The following C1orf21 variants were observed in gnomAD, a reference collection of about 807,000 sequenced individuals.
The protein encoded by C1orf21 is uncharacterized protein C1orf21.
Under a neutral mutation model 18.7 loss-of-function variants are expected in C1orf21, and 3 were observed. The observed-to-expected ratio is 0.16, with a 90% CI of 0.07 to 0.42. The LOEUF (loss-of-function observed/expected upper bound fraction) is 0.42, where lower values mean the gene tolerates loss of function less well. Ranked by LOEUF, C1orf21 falls within the 10% of genes least tolerant of loss-of-function variation. The pLI is 0.99. For missense variants in C1orf21, 104 were observed against 143.6 expected, an observed-to-expected ratio of 0.72 and a Z score of 1.41; for synonymous variants, 41 against 46.4, an observed-to-expected ratio of 0.88 and a Z score of 0.47.
At chr1:184,394,934 C>A (rs565445709) in intron 1 of C1orf21, among the ~76,000 whole-genome samples, 2 of 151,932 alleles carry the variant, frequency 1.3e-5, no homozygotes, top group Admixed American at 6.6e-5. Flanking sequence ...AGTCTAGATG[C>A]GACTCCCAAA....
Position 184,565,674 on chromosome 1 carries a change from G to A in C1orf21, c.190-25065G>A, listed in dbSNP as rs113552877. ...AAGCCAAGTACCATATTTCTCTCAC[G>A]AAGTCAGTTTCCTCTGAATTCTCAA... On this transcript the variant is annotated intron_variant, in intron 3 of 5. Coordinates refer to ENST00000235307, the MANE Select transcript of C1orf21 (RefSeq NM_030806.4). Among the ~76,000 whole-genome samples the A allele has an allele frequency of 7.3e-3, 1,110 of 152,320 alleles. 18 individuals carry two copies. Among genetic ancestry groups the A allele is most frequent in the African/African-American group, 0.023 (944 of 41,574 alleles).
intron 3 of C1orf21, among the ~76,000 whole-genome samples, chr1:184,571,312 A>G (rs991300266): frequency 1.3e-4 from 20 of 151,090 alleles, no homozygotes; most frequent in South Asian, 4.2e-4. Context: ...AAAAAAAAAA[A>G]AAAAAAGAAA....
At chr1:184,504,873 C>A (rs1274414604) in intron 2 of C1orf21, among the ~76,000 whole-genome samples, 1 of 152,162 alleles carries the variant, frequency 6.6e-6, no homozygotes, top group Non-Finnish European at 1.5e-5. Context: ...TTGTTAATGA[C>A]ATGTTAAAGC....
intron 1 of C1orf21, among the ~76,000 whole-genome samples, chr1:184,391,858 C>T (rs1655975481): frequency 6.6e-6 from 1 of 152,086 alleles, no homozygotes; most frequent in African/African-American, 2.4e-5. Flanking sequence ...CAGGCAGGTG[C>T]CACCATGGCT....
rs184886966 is a variant in C1orf21 at position 184,535,850 on chromosome 1, T to C, written c.189+28168T>C. Among the ~76,000 whole-genome samples the C allele has an allele frequency of 3.7e-3, 570 of 152,330 alleles. 6 individuals are homozygous for C. Among genetic ancestry groups the C allele is most frequent in the African/African-American group, 0.013 (544 of 41,576 alleles). On this transcript the variant is annotated intron_variant, in intron 3 of 5. Transcript: ENST00000235307. ...AATGTACTTCTAGACTATCTCATAG[T>C]GGAGCTGTTTCCTCCATTAAAACCT...
At chr1:184,536,848 G>GA (rs35408747) in intron 3 of C1orf21, among the ~76,000 whole-genome samples, 3,086 of 144,958 alleles carry the variant, frequency 0.021, 67 homozygotes, top group African/African-American at 0.049. Context: ...TTCTTTTGTG[G>GA]AAAAAAAAAA....
intron 1 of C1orf21, among the ~76,000 whole-genome samples, chr1:184,397,610 G>A (rs1557961687): frequency 6.6e-6 from 1 of 151,980 alleles, no homozygotes; most frequent in Non-Finnish European, 1.5e-5. Context: ...ACAACTGTAT[G>A]GCTACTTAGC....
intron 1 of C1orf21, among the ~76,000 whole-genome samples, chr1:184,463,061 G>A (rs1188594552): frequency 9.7e-5 from 13 of 134,588 alleles, no homozygotes; most frequent in South Asian, 6.9e-4. Flanking sequence ...TGGCCTGGGC[G>A]ACACGAGCAA....
Position 184,582,961 on chromosome 1 carries a change from C to T in C1orf21, c.190-7778C>T, listed in dbSNP as rs553137307. 1.6e-4 allele frequency among the ~76,000 whole-genome samples: 24 copies of T among 152,256 alleles called. No homozygotes were observed. In the South Asian group the frequency reaches 3.7e-3, roughly 24 times the overall value. On this transcript the variant is annotated intron_variant, in intron 3 of 5. Coordinates refer to ENST00000235307, the MANE Select transcript of C1orf21 (RefSeq NM_030806.4). ...TCAAGAGATTCTCCTGTCTCAGCCT[C>T]CCGAGTAGCTGGGATTACAGGCACA...
At chr1:184,551,108 A>G (rs1466130123) in intron 3 of C1orf21, among the ~76,000 whole-genome samples, 3 of 152,228 alleles carry the variant, frequency 2.0e-5, no homozygotes, top group Admixed American at 2.0e-4. Context: ...TGAAATGCAC[A>G]GACAGACAGC....
At chr1:184,394,842 G>A (rs1357387471) in intron 1 of C1orf21, among the ~76,000 whole-genome samples, 1 of 152,206 alleles carries the variant, frequency 6.6e-6, no homozygotes, top group Non-Finnish European at 1.5e-5. Flanking sequence ...GATGAAGGAA[G>A]TGAGAATCCA....
chr1:184,584,057 CA>C (rs1368275305), intron 3 of C1orf21, among the ~76,000 whole-genome samples: 2 of 151,968 alleles, frequency 1.3e-5, no homozygotes, highest in East Asian at 3.9e-4. Flanking sequence ...GGTAGTGAAC[CA>C]CGTGTCTCAC....
chr1:184,520,807 A>G (rs1658295922), intron 3 of C1orf21, among the ~76,000 whole-genome samples: 1 of 152,238 alleles, frequency 6.6e-6, no homozygotes. Context: ...ACTTTGGGAA[A>G]TACAGAAGTG....
chr1:184,459,105 G>A (rs980117629), intron 1 of C1orf21, among the ~76,000 whole-genome samples: 1 of 152,172 alleles, frequency 6.6e-6, no homozygotes, highest in Non-Finnish European at 1.5e-5. Flanking sequence ...CCTGTCTGGG[G>A]AACACTGACA....
At chr1:184,469,328 G>A (rs58373918) in intron 1 of C1orf21, among the ~76,000 whole-genome samples, 2 of 152,054 alleles carry the variant, frequency 1.3e-5, no homozygotes, top group Admixed American at 6.6e-5. Context: ...ATGATCTTTC[G>A]TGTGTTTATT....
In C1orf21 at chr1:184,626,087, A is replaced by AT. The variant is rs1660005421; in HGVS notation, c.*6532dup. ...TTTTAGCATTGCCTTTCCAGTCTTG[A>AT]TGATTCATTCATTGAACTCATTTAT... On this transcript the variant is annotated 3_prime_UTR_variant, in exon 6 of 6. Transcript: ENST00000235307. The AT allele has an allele frequency of 6.6e-6, 1 of 152,120 alleles. No homozygotes were observed. The highest frequency in any genetic ancestry group is 2.1e-4 in the South Asian group (1 of 4,828). 9.4% of individuals were successfully genotyped at this position (152,120 alleles called of 1,614,324 possible). A position where few individuals can be genotyped will look rare whatever the true frequency, so the allele number is the denominator to read the frequency against.
intron 1 of C1orf21, among the ~76,000 whole-genome samples, chr1:184,459,044 A>G (rs1161904369): frequency 6.6e-6 from 1 of 152,238 alleles, no homozygotes; most frequent in Non-Finnish European, 1.5e-5. Context: ...CCTTCTATGT[A>G]GATTGCATTA....
intron 1 of C1orf21, among the ~76,000 whole-genome samples, chr1:184,397,671 TCA>T (rs1656083387): frequency 6.6e-6 from 1 of 152,368 alleles, no homozygotes; most frequent in Non-Finnish European, 1.5e-5. Flanking sequence ...TAATGTTTTA[TCA>T]CTTTGTTAGT....
intron 1 of C1orf21, among the ~76,000 whole-genome samples, chr1:184,429,637 T>G (rs1656702874): frequency 6.6e-6 from 1 of 152,132 alleles, no homozygotes; most frequent in African/African-American, 2.4e-5. Context: ...GTTCTAAGAT[T>G]CAGTTGAAAT....
Sources: allele counts gnomAD v4.1 joint callset (sites outside exome capture counted in the v4.1 genomes callset), GRCh38; gene constraint gnomAD v4.1.1; transcripts MANE v1.5; gene names NCBI Gene and HGNC (gene_info 2026-07-23, HGNC 2026-07-21).